ZDHHC18: variants seen among roughly 807,000 people sequenced by gnomAD.
ZDHHC18 encodes zDHHC palmitoyltransferase 18.
In ZDHHC18, 23 loss-of-function variants were observed where a neutral mutation model predicts 37.5. That is an observed-to-expected ratio of 0.61 (90% CI 0.44 to 0.87). The LOEUF (loss-of-function observed/expected upper bound fraction) is 0.87, where lower values mean the gene tolerates loss of function less well. Among genes scored for constraint, ZDHHC18 ranks in the 40% least tolerant of loss-of-function variants. The probability of loss-of-function intolerance (pLI) is 0.00; values close to 1 mark genes in which losing one functional copy is unlikely to be tolerated. For synonymous variants in ZDHHC18, 185 were observed against 218.7 expected (o/e 0.85, Z 1.36); for missense variants, 406 against 525.6 (o/e 0.77, Z 2.22).
intron 7 of ZDHHC18, chr1:26,853,168 C>T (rs1309410356): frequency 6.8e-6 from 2 of 294,640 alleles, no homozygotes; most frequent in East Asian, 7.9e-5. Flanking sequence ...ACTGCCCTTC[C>T]GGTTGCCCAC....
chr1:26,852,963 T>A (rs1005894074), intron 7 of ZDHHC18, 98 bp downstream of exon 7: 1 of 1,055,194 alleles, frequency 9.5e-7, no homozygotes, highest in Non-Finnish European at 1.4e-6. Flanking sequence ...ACACCCTAGA[T>A]GCCCTCCGTC....
intron 1 of ZDHHC18, among the ~76,000 whole-genome samples, chr1:26,828,008 C>T (rs950128344): frequency 6.6e-6 from 1 of 152,294 alleles, no homozygotes; most frequent in East Asian, 1.9e-4. Flanking sequence ...GGAAAGACTT[C>T]GGAGTGCTTT....
chr1:26,852,730 C>G, intron 6 of ZDHHC18, 23 bp from the exon 7 acceptor site: 1 of 1,608,314 alleles, frequency 6.2e-7, no homozygotes, highest in South Asian at 1.1e-5. Flanking sequence ...GGTACTTGAC[C>G]TAGGCCTCCT....
chr1:26,852,979 C>G, intron 7 of ZDHHC18, 114 bp downstream of exon 7: 2 of 814,034 alleles, frequency 2.5e-6, no homozygotes, highest in Non-Finnish European at 3.8e-6. Flanking sequence ...CCGTCCACTA[C>G]CCCCTGGAGG....
At chr1:26,835,991 C>T (rs1020249705) in intron 2 of ZDHHC18, among the ~76,000 whole-genome samples, 5 of 152,156 alleles carry the variant, frequency 3.3e-5, no homozygotes. Flanking sequence ...TGGAAAGTCT[C>T]CTGTCTTAGG....
intron 2 of ZDHHC18, among the ~76,000 whole-genome samples, chr1:26,840,027 C>G (rs1311756094): frequency 1.3e-5 from 2 of 152,226 alleles, no homozygotes; most frequent in Non-Finnish European, 2.9e-5. Context: ...TCCTGGCAGC[C>G]TCAGGAAGCC....
At chr1:26,837,964 T>G (rs2081621359) in intron 2 of ZDHHC18, among the ~76,000 whole-genome samples, 1 of 151,858 alleles carries the variant, frequency 6.6e-6, no homozygotes, top group African/African-American at 2.4e-5. Context: ...TCATTCTTTC[T>G]GATCCAGCTT....
intron 3 of ZDHHC18, among the ~76,000 whole-genome samples, chr1:26,849,693 C>G (rs2081691805): frequency 6.6e-6 from 1 of 152,256 alleles, no homozygotes; most frequent in Non-Finnish European, 1.5e-5. Flanking sequence ...TTGACCTGGC[C>G]TGTGATGCTG....
At position 26,836,857 on chromosome 1, in the gene ZDHHC18, C is replaced by T. The variant is rs182740208; in HGVS notation, c.496+4250C>T. 2.7e-3 allele frequency among the ~76,000 whole-genome samples: 396 copies of T among 149,286 alleles called. 1 individual carries two copies. Among genetic ancestry groups the T allele is most frequent in the Non-Finnish European group, 4.0e-3 (267 of 67,504 alleles). Reference sequence around the variant, plus strand: ...TGCTGGGATTACAGGCATGAGCCACCGCATCTGGCTGTACCTTCATTTCTT... The same window carrying T: ...TGCTGGGATTACAGGCATGAGCCACTGCATCTGGCTGTACCTTCATTTCTT... On this transcript the variant is annotated intron_variant, in intron 2 of 7. Transcript: ENST00000374142.
rs768904042 is a variant in ZDHHC18 at position 26,852,782 on chromosome 1, C to T, written c.966C>T (p.Gly322=). The T allele has an allele frequency of 8.7e-6, 14 of 1,614,048 alleles. No homozygotes were observed. The highest frequency in any genetic ancestry group is 2.2e-5 in the South Asian group (2 of 91,082). ...AAGGCTCGTGGTCCAGCAAGAGGGG[C>T]GGTGAGGCCTCTGTCAACCCCTACA... is the stretch of plus-strand genomic sequence containing the variant. ...DIKGSWSSKR[G]GEASVNPYSH... Residue 322 remains glycine, a synonymous_variant, in exon 7 of 8, where the codon GGC becomes GGT. Coordinates refer to ENST00000374142, the MANE Select transcript of ZDHHC18 (RefSeq NM_032283.3).
intron 2 of ZDHHC18, among the ~76,000 whole-genome samples, chr1:26,839,482 C>T (rs1163073216): frequency 6.6e-6 from 1 of 152,208 alleles, no homozygotes; most frequent in African/African-American, 2.4e-5. Context: ...CTGCCACCCC[C>T]AGGCCTTGTA....
intron 1 of ZDHHC18, among the ~76,000 whole-genome samples, chr1:26,828,939 C>T (rs1486891275): frequency 6.6e-6 from 1 of 152,184 alleles, no homozygotes; most frequent in Non-Finnish European, 1.5e-5. Context: ...CATGACCCTG[C>T]AGTGTGATAT....
chr1:26,844,491 A>G (rs557840194), intron 2 of ZDHHC18, among the ~76,000 whole-genome samples: 3 of 152,194 alleles, frequency 2.0e-5, no homozygotes, highest in Non-Finnish European at 4.4e-5. Flanking sequence ...GAGTTTGTCT[A>G]TTATGAGAAT....
At chr1:26,852,590 G>T (rs183371110) in intron 6 of ZDHHC18, among the ~76,000 whole-genome samples, 163 bp from the exon 7 acceptor site, 7 of 152,318 alleles carry the variant, frequency 4.6e-5, no homozygotes, top group Admixed American at 3.3e-4. Flanking sequence ...TCTCTGCCAG[G>T]GGTCCCCCAC....
intron 2 of ZDHHC18, among the ~76,000 whole-genome samples, chr1:26,843,625 C>CA (rs2081649078): frequency 6.6e-6 from 1 of 150,946 alleles, no homozygotes; most frequent in Admixed American, 6.6e-5. Context: ...CCCATCTCTA[C>CA]AAAAAAATAC....
At chr1:26,830,539 G>A (rs1281943558) in intron 1 of ZDHHC18, among the ~76,000 whole-genome samples, 3 of 152,132 alleles carry the variant, frequency 2.0e-5, no homozygotes, top group Non-Finnish European at 2.9e-5. Context: ...TCTGTACATA[G>A]CACAGTAACT....
chr1:26,832,938 C>T (rs56147926), intron 2 of ZDHHC18, among the ~76,000 whole-genome samples: 46,512 of 152,120 alleles, frequency 0.31, 8,547 homozygotes, highest in Non-Finnish European at 0.42. Flanking sequence ...GTACTGTTGT[C>T]ATTCTCCTTT....
intron 2 of ZDHHC18, among the ~76,000 whole-genome samples, chr1:26,846,308 A>G (rs1344158146): frequency 3.4e-5 from 2 of 58,526 alleles, no homozygotes; most frequent in African/African-American, 1.5e-4. Flanking sequence ...ATATATATAT[A>G]TATTTTTTTT....
At chr1:26,830,484 C>T (rs1229587450) in intron 1 of ZDHHC18, among the ~76,000 whole-genome samples, 6 of 152,112 alleles carry the variant, frequency 3.9e-5, no homozygotes, top group Admixed American at 3.9e-4. Flanking sequence ...AGTACAGTAA[C>T]TATCTGTAGA....
Sources: allele counts gnomAD v4.1 joint callset (sites outside exome capture counted in the v4.1 genomes callset), GRCh38; gene constraint gnomAD v4.1.1; transcripts MANE v1.5; gene names NCBI Gene and HGNC (gene_info 2026-07-23, HGNC 2026-07-21).